The following PLXDC2 variants were observed in gnomAD, a reference collection of about 807,000 sequenced individuals.
PLXDC2 encodes the protein plexin domain-containing protein 2.
PLXDC2 carries 40 observed loss-of-function variants against 68.9 expected under a neutral mutation model. The ratio of observed to expected loss-of-function variants is 0.58; its 90% confidence interval spans 0.45 to 0.76. The LOEUF (loss-of-function observed/expected upper bound fraction) is 0.76, where lower values mean the gene tolerates loss of function less well. PLXDC2 is among the 30% of genes least tolerant of loss of function. The pLI, the probability that PLXDC2 is intolerant of heterozygous loss-of-function variation, is 0.00. For synonymous variants in PLXDC2, 243 were observed against 234.2 expected, an observed-to-expected ratio of 1.04 and a Z score of -0.34; for missense variants, 644 against 661.9, an observed-to-expected ratio of 0.97 and a Z score of 0.30.
At chr10:19,933,123 A>G (rs928032122) in intron 1 of PLXDC2, among the ~76,000 whole-genome samples, 1 of 152,206 alleles carries the variant, frequency 6.6e-6, no homozygotes, top group African/African-American at 2.4e-5. Context: ...CTCACTTGGT[A>G]CTTGGAGATC....
intron 2 of PLXDC2, chr10:20,043,354 G>A (rs1353523986): frequency 6.6e-6 from 1 of 152,154 alleles, no homozygotes; most frequent in African/African-American, 2.4e-5. Flanking sequence ...AACTGAAGGT[G>A]TATTTTCACA....
intron 1 of PLXDC2, among the ~76,000 whole-genome samples, chr10:19,852,816 G>A (rs966612455): frequency 5.9e-5 from 9 of 152,148 alleles, no homozygotes; most frequent in East Asian, 1.9e-4. Context: ...AGGTGAGAAC[G>A]TTACCACAAG....
chr10:20,187,959 A>C (rs544109436), intron 9 of PLXDC2, among the ~76,000 whole-genome samples: 1 of 151,968 alleles, frequency 6.6e-6, no homozygotes, highest in African/African-American at 2.4e-5. Flanking sequence ...AGCCATTTCA[A>C]TAGAAAACTG....
In PLXDC2 at chr10:20,022,198, T is replaced by C. The variant is rs543283346; in HGVS notation, c.324+20212T>C. Among the ~76,000 whole-genome samples the C allele has an allele frequency of 4.3e-4, 65 of 152,366 alleles. No individual in the cohort carries two copies. In the South Asian group the frequency reaches 6.4e-3, roughly 15 times the overall value. The stretch of plus-strand genomic sequence containing the variant: ...TTACACGTTAAAGCAATAAGGTTCC[T>C]AGATTGTGTTCATCTATTTATTCAT... On this transcript the variant is annotated intron_variant, in intron 2 of 13. Coordinates refer to ENST00000377252, the MANE Select transcript of PLXDC2 (RefSeq NM_032812.9).
intron 4 of PLXDC2, among the ~76,000 whole-genome samples, chr10:20,092,082 G>A (rs1411549999): frequency 6.6e-6 from 1 of 152,026 alleles, no homozygotes; most frequent in African/African-American, 2.4e-5. Flanking sequence ...TATATCCTAG[G>A]GAACTGAACA....
At chr10:19,938,335 CCTAAGA>C (rs1483341314) in intron 1 of PLXDC2, among the ~76,000 whole-genome samples, 3 of 152,040 alleles carry the variant, frequency 2.0e-5, no homozygotes, top group African/African-American at 7.3e-5. Context: ...GTTATAAATA[CCTAAGA>C]CTGGCTAATT....
chr10:20,016,186 C>A (rs1271225150), intron 2 of PLXDC2, among the ~76,000 whole-genome samples: 1 of 152,162 alleles, frequency 6.6e-6, no homozygotes, highest in East Asian at 1.9e-4. Flanking sequence ...AGAAACAATT[C>A]TGGGTACTTT....
chr10:20,052,887 C>G, intron 3 of PLXDC2, among the ~76,000 whole-genome samples: 1 of 152,134 alleles, frequency 6.6e-6, no homozygotes. Context: ...ACACTTCCCT[C>G]CTTCTTGAAA....
At chr10:19,845,085 G>A (rs960467480) in intron 1 of PLXDC2, among the ~76,000 whole-genome samples, 1 of 152,154 alleles carries the variant, frequency 6.6e-6, no homozygotes, top group Non-Finnish European at 1.5e-5. Context: ...GCTTCCAGAT[G>A]TGGTTTTCAT....
chr10:20,048,133 G>C (rs535857220), intron 3 of PLXDC2, among the ~76,000 whole-genome samples: 8 of 152,248 alleles, frequency 5.3e-5, no homozygotes, highest in African/African-American at 1.9e-4. Context: ...AGAGTCAATG[G>C]CTGAAGTTAT....
At chr10:20,059,507 G>A (rs1681058330) in intron 3 of PLXDC2, among the ~76,000 whole-genome samples, 1 of 152,140 alleles carries the variant, frequency 6.6e-6, no homozygotes, top group African/African-American at 2.4e-5. Flanking sequence ...CCCTTGAAGA[G>A]CACCATTCAA....
chr10:19,833,433 T>C (rs1836731781), intron 1 of PLXDC2, among the ~76,000 whole-genome samples: 1 of 152,224 alleles, frequency 6.6e-6, no homozygotes, highest in African/African-American at 2.4e-5. Flanking sequence ...ACCCTCCCAC[T>C]CACTCATTGA....
chr10:20,001,890 C>T lies in PLXDC2; in HGVS notation c.228C>T (p.Asp76=), dbSNP rs372022036. The T allele has an allele frequency of 6.2e-7, 1 of 1,613,910 alleles. No individual in the cohort carries two copies. The highest frequency in any genetic ancestry group is 8.5e-7 in the Non-Finnish European group (1 of 1,179,994). Residue 76 remains aspartate, a synonymous_variant, in exon 2 of 14, where the codon GAC becomes GAT. Transcript: ENST00000377252. ...ACTTGGACTTTCTCAAGGCGGTAGA[C>T]ACGAACCGAGCAAGCGTCGGCCAAG... is the stretch of plus-strand genomic sequence containing the variant. ...KRNLDFLKAV[D]TNRASVGQDS...
intron 7 of PLXDC2, among the ~76,000 whole-genome samples, chr10:20,173,559 C>T (rs1376654074): frequency 1.3e-5 from 2 of 152,184 alleles, no homozygotes; most frequent in Admixed American, 6.5e-5. Context: ...AGTATTTGCA[C>T]TTTGCAACAC....
At position 19,858,285 on chromosome 10, in the gene PLXDC2, C is replaced by A. The variant is rs80324572; in HGVS notation, c.112+41094C>A. ...TTATCTGCCAGGAACCTGCACCATG[C>A]AGCTAACCTGCTGTCTCCCGCTTAA... On this transcript the variant is annotated intron_variant, in intron 1 of 13. Transcript: ENST00000377252. 4.7e-3 allele frequency among the ~76,000 whole-genome samples: 711 copies of A among 152,330 alleles called. 7 individuals are homozygous for A. The highest frequency in any genetic ancestry group is 0.015 in the African/African-American group (624 of 41,570).
chr10:20,115,115 G>A (rs1209951779), intron 4 of PLXDC2, among the ~76,000 whole-genome samples: 1 of 152,144 alleles, frequency 6.6e-6, no homozygotes, highest in Non-Finnish European at 1.5e-5. Context: ...TGTAGACATT[G>A]GATAGTAGTC....
rs907685512 is a variant in PLXDC2, at chr10:20,145,622, T to C, written c.665-2162T>C. Among the ~76,000 whole-genome samples, 3 of 152,184 alleles carry C rather than the reference T, an allele frequency of 2.0e-5. No individual in the cohort carries two copies. The South Asian group carries it at 6.2e-4, about 32-fold the overall frequency. The stretch of plus-strand genomic sequence containing the variant: ...TGGACTGCACTGGCATGATCTCTGC[T>C]CACTACAACCTCCGCTTCCCGGGTT... On this transcript the variant is annotated intron_variant, in intron 5 of 13. Coordinates refer to ENST00000377252, the MANE Select transcript of PLXDC2 (RefSeq NM_032812.9).
At position 20,284,330 on chromosome 10, in the gene PLXDC2, T is replaced by TATACACAC. The variant is rs1484131963; in HGVS notation, c.*4512_*4513insTACACACA. 6 of 126,338 alleles carry TATACACAC rather than the reference T, an allele frequency of 4.7e-5. No homozygotes were observed. Among genetic ancestry groups the TATACACAC allele is most frequent in the Non-Finnish European group, 8.4e-5 (5 of 59,670 alleles). The allele number at this position is 126,338 out of a possible 1,614,324, so 7.8% of individuals were successfully genotyped here. On this transcript the variant is annotated 3_prime_UTR_variant, in exon 14 of 14. Transcript: ENST00000377252. ...AAATATACATATATATATATATATA[T>TATACACAC]ACACACACACACACACACACACAAA...
chr10:20,081,567 A>G (rs1465838083), intron 4 of PLXDC2, among the ~76,000 whole-genome samples: 1 of 152,202 alleles, frequency 6.6e-6, no homozygotes, highest in African/African-American at 2.4e-5. Context: ...TGCTTTCCAA[A>G]ACTGACAGAT....
Sources: gnomAD v4.1 joint callset for allele counts (sites outside exome capture counted in the v4.1 genomes callset) on GRCh38, gnomAD v4.1.1 for gene constraint, MANE v1.5 for transcripts, NCBI Gene and HGNC (gene_info 2026-07-23, HGNC 2026-07-21) for gene names.